The following CMC2 variants were observed in gnomAD, a reference collection of about 807,000 sequenced individuals.
CMC2 encodes COX assembly mitochondrial protein 2 homolog.
A neutral mutation model predicts 7.5 loss-of-function variants in CMC2; 5 were observed. That is an observed-to-expected ratio of 0.66 (90% CI 0.35 to 1.40). The LOEUF is 1.40. CMC2 is among the 40% of genes most tolerant of loss of function. The pLI is 0.04. For synonymous variants in CMC2, 37 were observed against 31.4 expected (o/e 1.18, Z -0.60); for missense variants, 115 against 92.3 (o/e 1.25, Z -1.01).
chr16:80,996,893 A>T (rs1013723699), intron 2 of CMC2: 6 of 315,684 alleles, frequency 1.9e-5, no homozygotes, highest in African/African-American at 1.3e-4. Flanking sequence ...AATCTAGTTA[A>T]TGTCTAATTA....
intron 3 of CMC2, chr16:80,978,352 CA>C: frequency 7.9e-7 from 1 of 1,265,110 alleles, no homozygotes; most frequent in Non-Finnish European, 1.0e-6. Context: ...AGTTACAAAG[CA>C]AATTAAAATA....
At position 80,970,965 on chromosome 16, in the gene CMC2, C is replaced by A. The variant is rs1017229707; in HGVS notation, c.*5128G>T. ...CAGCCTGGACATGGTGAAACCCTAT[C>A]TCTACTAAAAAATACAAAAATTAGC... On this transcript the variant is annotated 3_prime_UTR_variant, in exon 4 of 4. Transcript: ENST00000219400. The A allele has an allele frequency of 3.3e-5, 5 of 152,100 alleles. No individual in the cohort carries two copies. The highest frequency in any genetic ancestry group is 7.3e-5 in the Non-Finnish European group (5 of 68,028). The allele number at this position is 152,100 out of a possible 1,614,324, so 9.4% of individuals were successfully genotyped here.
chr16:80,991,729 C>T (rs1359399031), intron 2 of CMC2: 38 of 314,396 alleles, frequency 1.2e-4, no homozygotes, highest in Non-Finnish European at 1.8e-4. Flanking sequence ...TTGTAGTATG[C>T]AGCCTTGATG....
chr16:80,988,877 T>C (rs1052017850), intron 2 of CMC2, among the ~76,000 whole-genome samples: 19 of 152,214 alleles, frequency 1.2e-4, no homozygotes, highest in Admixed American at 8.5e-4. Flanking sequence ...TGTCTCTTTT[T>C]TCTTTCATTA....
At position 80,997,431 on chromosome 16, in the gene CMC2, T is replaced by G; in HGVS notation, c.-35-2A>C. The G allele has an allele frequency of 1.3e-6, 2 of 1,504,854 alleles. No homozygotes were observed. Among genetic ancestry groups the G allele is most frequent in the Non-Finnish European group, 1.8e-6 (2 of 1,081,390 alleles). The allele number at this position is 1,504,854 out of a possible 1,614,324, so 93.2% of individuals were successfully genotyped here. A position where few individuals can be genotyped will look rare whatever the true frequency, so the allele number is the denominator to read the frequency against. On this transcript the variant is annotated splice_acceptor_variant, in intron 1 of 3. Transcript: ENST00000219400. LOFTEE classifies it low-confidence loss of function (5UTR_SPLICE). ...GAGGATGGATCACAGCAGTGCAACCTGTGGATACAAGAGTGTCTTGAATAT... is the reference window on the plus strand; with the variant it reads ...GAGGATGGATCACAGCAGTGCAACCGGTGGATACAAGAGTGTCTTGAATAT...
intron 1 of CMC2, chr16:80,998,891 C>T (rs529198657): frequency 6.6e-6 from 1 of 152,148 alleles, no homozygotes; most frequent in East Asian, 1.9e-4. Flanking sequence ...TGATAAAATC[C>T]AACATCCCTT....
In CMC2 at chr16:80,970,904, G is replaced by A. The variant is rs1911868522; in HGVS notation, c.*5189C>T. 6.6e-6 allele frequency: 1 copy of A among 152,146 alleles called. No homozygotes were observed. Among genetic ancestry groups the A allele is most frequent in the South Asian group, 2.1e-4 (1 of 4,824 alleles). The allele number at this position is 152,146 out of a possible 1,614,324, so 9.4% of individuals were successfully genotyped here. On this transcript the variant is annotated 3_prime_UTR_variant, in exon 4 of 4. Coordinates refer to ENST00000219400, the MANE Select transcript of CMC2 (RefSeq NM_020188.5). ...CTTAGACACAAATCTAGCAAAAGAT[G>A]TATAAGAACACTATTTTAAAAATCA... is the stretch of plus-strand genomic sequence containing the variant.
chr16:80,987,674 C>T (rs1261447443), intron 2 of CMC2, among the ~76,000 whole-genome samples: 1 of 151,994 alleles, frequency 6.6e-6, no homozygotes, highest in Non-Finnish European at 1.5e-5. Context: ...TATAAAAGCA[C>T]GGAAAGAATG....
intron 1 of CMC2, among the ~76,000 whole-genome samples, chr16:81,000,282 G>A (rs111746516): frequency 0.08 from 12,245 of 152,196 alleles, 648 homozygotes; most frequent in East Asian, 0.16. Flanking sequence ...CAGATCACAA[G>A]GTCAGGAGTT....
At chr16:80,985,915 A>T (rs1431882504) in intron 2 of CMC2, among the ~76,000 whole-genome samples, 1 of 151,766 alleles carries the variant, frequency 6.6e-6, no homozygotes, top group Admixed American at 6.6e-5. Flanking sequence ...AAAAAAAAAA[A>T]AAACCACAGG....
chr16:80,988,727 C>A (rs1004577214), intron 2 of CMC2: 16 of 538,202 alleles, frequency 3.0e-5, no homozygotes, highest in Non-Finnish European at 5.3e-5. Flanking sequence ...ATCATTCATG[C>A]AAAAGGCAAA....
rs549481187 is a variant in CMC2, at chr16:80,978,036, C to A, written c.154-1857G>T. On this transcript the variant is annotated intron_variant, in intron 3 of 3. Coordinates refer to ENST00000219400, the MANE Select transcript of CMC2 (RefSeq NM_020188.5). ...GCAGTGAGCCGAGATCGCACCACAG[C>A]ACTCCAGCCTGGGTGACAAGAGTGA... 2.0e-5 allele frequency among the ~76,000 whole-genome samples: 3 copies of A among 151,148 alleles called. No homozygotes were observed. The East Asian group carries it at 5.9e-4, about 29-fold the overall frequency.
intron 1 of CMC2, 66 bp from the exon 2 acceptor site, chr16:80,997,495 A>C (rs1408732658): frequency 1.2e-6 from 1 of 834,102 alleles, no homozygotes; most frequent in Admixed American, 1.9e-5. Flanking sequence ...AAGTATCTTC[A>C]TAAGAACCTC....
intron 2 of CMC2, among the ~76,000 whole-genome samples, chr16:80,995,009 G>A (rs1329142664): frequency 6.6e-6 from 1 of 151,984 alleles, no homozygotes; most frequent in East Asian, 1.9e-4. Context: ...AGCCAGGTGT[G>A]GTGACACACA....
In CMC2 at chr16:80,966,545, C is replaced by A. The variant is rs1346029567; in HGVS notation, c.*9548G>T. 7 of 149,200 alleles carry A rather than the reference C, an allele frequency of 4.7e-5. No homozygotes were observed. The highest frequency in any genetic ancestry group is 4.6e-4 in the Admixed American group (7 of 15,156). The allele number at this position is 149,200 out of a possible 1,614,324, so 9.2% of individuals were successfully genotyped here. On this transcript the variant is annotated 3_prime_UTR_variant, in exon 4 of 4. Coordinates refer to ENST00000219400, the MANE Select transcript of CMC2 (RefSeq NM_020188.5). ...TTGAAAATCTTGGTTTCTACTGACA[C>A]TAACATCATAACTTTAAAACGTGAT...
At position 80,999,832 on chromosome 16, in the gene CMC2, T is replaced by C. The variant is rs372033388; in HGVS notation, c.-35-2403A>G. Among the ~76,000 whole-genome samples the C allele has an allele frequency of 3.3e-4, 51 of 152,312 alleles. No individual in the cohort carries two copies. The South Asian group carries it at 0.011, about 32-fold the overall frequency. ...TCCCATTCAATAAATGGTGCTGGGA[T>C]AGTTGGCTAGCTATATGCAGAAGAA... On this transcript the variant is annotated intron_variant, in intron 1 of 3. Coordinates refer to ENST00000219400, the MANE Select transcript of CMC2 (RefSeq NM_020188.5).
rs1289050827 is a variant in CMC2, at chr16:81,006,860, C to A, written c.-162G>T. On this transcript the variant is annotated 5_prime_UTR_variant, in exon 1 of 4. Transcript: ENST00000219400. Reference sequence around the variant, plus strand: ...AGACGCCGAAACCCAGTGACGCCCTCCACCGCTCCACCGTGCTCCCGGCTC... The same window carrying A: ...AGACGCCGAAACCCAGTGACGCCCTACACCGCTCCACCGTGCTCCCGGCTC... 1 of 985,874 alleles carries A rather than the reference C, an allele frequency of 1.0e-6. No homozygotes were observed. The highest frequency in any genetic ancestry group is 4.7e-5 in the South Asian group (1 of 21,300). The allele number at this position is 985,874 out of a possible 1,614,324, so 61.1% of individuals were successfully genotyped here.
At position 80,971,122 on chromosome 16, in the gene CMC2, G is replaced by GA. The variant is rs1449241505; in HGVS notation, c.*4970dup. The GA allele has an allele frequency of 2.6e-5, 4 of 152,162 alleles. No individual in the cohort carries two copies. Among genetic ancestry groups the GA allele is most frequent in the African/African-American group, 9.7e-5 (4 of 41,426 alleles). 9.4% of individuals were successfully genotyped at this position (152,162 alleles called of 1,614,324 possible). The stretch of plus-strand genomic sequence containing the variant: ...TGCACTCCAGCCTGGGTGACAGGGT[G>GA]AGACTCTGTCTCAAAAAACAACAAC... On this transcript the variant is annotated 3_prime_UTR_variant, in exon 4 of 4. Transcript: ENST00000219400.
At position 80,970,013 on chromosome 16, in the gene CMC2, C is replaced by T. The variant is rs1365167778; in HGVS notation, c.*6080G>A. On this transcript the variant is annotated 3_prime_UTR_variant, in exon 4 of 4. Coordinates refer to ENST00000219400, the MANE Select transcript of CMC2 (RefSeq NM_020188.5). ...ATATTAACACAAGACTAGCGGTGAG[C>T]ATTAAGTATGTCTTTATTGTTTATA... is the stretch of plus-strand genomic sequence containing the variant. 1 of 152,078 alleles carries T rather than the reference C, an allele frequency of 6.6e-6. No individual in the cohort carries two copies. The highest frequency in any genetic ancestry group is 6.5e-5 in the Admixed American group (1 of 15,268). 9.4% of individuals were successfully genotyped at this position (152,078 alleles called of 1,614,324 possible).
Sources: gnomAD v4.1 joint callset for allele counts (sites outside exome capture counted in the v4.1 genomes callset) on GRCh38, gnomAD v4.1.1 for gene constraint, MANE v1.5 for transcripts, NCBI Gene and HGNC (gene_info 2026-07-23, HGNC 2026-07-21) for gene names.